The following RUFY1 variants were observed in gnomAD, a reference collection of about 807,000 sequenced individuals.
RUFY1 encodes RUN and FYVE domain containing 1, also known as RUN and FYVE domain-containing protein 1.
A neutral mutation model predicts 94.6 loss-of-function variants in RUFY1; 54 were observed. That is an observed-to-expected ratio of 0.57 (90% CI 0.46 to 0.72). The LOEUF (loss-of-function observed/expected upper bound fraction) is 0.72, where lower values mean the gene tolerates loss of function less well. Among genes scored for constraint, RUFY1 ranks in the 30% least tolerant of loss-of-function variants. RUFY1 has a pLI of 0.00. For missense variants in RUFY1, 883 were observed against 883.9 expected (o/e 1.00, Z 0.01); for synonymous variants, 396 against 347.3 (o/e 1.14, Z -1.56).
chr5:179,551,372 G>A (rs890436874), intron 1 of RUFY1, among the ~76,000 whole-genome samples: 1 of 152,278 alleles, frequency 6.6e-6, no homozygotes. Context: ...AATGAACAGA[G>A]TGCCAGCATA....
intron 16 of RUFY1, chr5:179,606,482 C>T (rs778264629): frequency 3.2e-5 from 5 of 158,692 alleles, no homozygotes; most frequent in African/African-American, 4.8e-5. Flanking sequence ...AGGAGGCAGA[C>T]ATTCGGGGGC....
In RUFY1 at chr5:179,598,758, G is replaced by A. The variant is rs745670392; in HGVS notation, c.1698G>A (p.Gln566=). 6 of 1,614,148 alleles carry A rather than the reference G, an allele frequency of 3.7e-6. No individual in the cohort carries two copies. The Admixed American group carries it at 1.0e-4, about 27-fold the overall frequency. ...GACAGGCTCTTCAGCGCGAATTACA[G>A]CACGAGAAAGACACTTCCTCTCTAC... The part of the protein sequence containing the change: ...EQRQALQREL[Q]HEKDTSSLLR... The change falls in exon 14 of 18, where the codon CAG becomes CAA. Residue 566 remains glutamine (Q), a synonymous_variant. Coordinates refer to ENST00000319449, the MANE Select transcript of RUFY1 (RefSeq NM_025158.5).
At chr5:179,566,359 C>T (rs1288247768) in intron 3 of RUFY1, among the ~76,000 whole-genome samples, 5 of 151,970 alleles carry the variant, frequency 3.3e-5, no homozygotes, top group African/African-American at 9.7e-5. Context: ...AATCCCAGCA[C>T]TTTAGGAGGC....
intron 1 of RUFY1, among the ~76,000 whole-genome samples, chr5:179,557,864 T>G: frequency 6.6e-6 from 1 of 152,118 alleles, no homozygotes; most frequent in East Asian, 1.9e-4. Flanking sequence ...TTTTGATTAC[T>G]TAATCATCAA....
chr5:179,569,304 A>T lies in RUFY1; in HGVS notation c.707A>T (p.Glu236Val), dbSNP rs1218409976. 2 of 1,613,644 alleles carry T rather than the reference A, an allele frequency of 1.2e-6. No individual in the cohort carries two copies. Among genetic ancestry groups the T allele is most frequent in the Non-Finnish European group, 1.7e-6 (2 of 1,179,962 alleles). ...VLIDNKHLLS[E>V]FYEPEALMME... The stretch of plus-strand genomic sequence containing the variant: ...CCTGTCCTGTCCATCTCTTTCAGCG[A>T]GTTCTATGAGCCTGAGGCTTTAATG... The change falls in exon 5 of 18, where the codon GAG becomes GTG. Residue 236 changes from glutamate (E) to valine (V), a missense_variant and splice_region_variant. Transcript: ENST00000319449.
intron 8 of RUFY1, chr5:179,586,443 G>T (rs541610987): frequency 1.5e-5 from 7 of 456,602 alleles, no homozygotes; most frequent in South Asian, 9.3e-5. Context: ...TTAGCAGGAG[G>T]GGGGTGCTCA....
At position 179,601,890 on chromosome 5, in the gene RUFY1, A is replaced by T. The variant is rs1187614490; in HGVS notation, c.1762-2A>T. The T allele has an allele frequency of 6.3e-7, 1 of 1,580,472 alleles. No homozygotes were observed. Among genetic ancestry groups the T allele is most frequent in the Non-Finnish European group, 8.7e-7 (1 of 1,155,364 alleles). On this transcript the variant is annotated splice_acceptor_variant, in intron 14 of 17. Transcript: ENST00000319449. LOFTEE classifies it high-confidence loss of function. ...AGCATCTGGTTGGTTTGTTCATTTT[A>T]GGAGTTGCGGGAGCTTCAGGACGAG...
chr5:179,588,571 C>A (rs1374311065), intron 8 of RUFY1, among the ~76,000 whole-genome samples: 2 of 152,128 alleles, frequency 1.3e-5, no homozygotes, highest in African/African-American at 4.8e-5. Flanking sequence ...TTCCTCCCTG[C>A]AAATTCTTTA....
At chr5:179,573,987 TG>T (rs1763423014) in intron 5 of RUFY1, among the ~76,000 whole-genome samples, 2 of 152,198 alleles carry the variant, frequency 1.3e-5, no homozygotes, top group Admixed American at 6.5e-5. Context: ...ACCTGATCAT[TG>T]TAAACCCTGG....
intron 8 of RUFY1, among the ~76,000 whole-genome samples, chr5:179,588,294 A>T (rs553931385): frequency 6.6e-6 from 1 of 152,270 alleles, no homozygotes; most frequent in Admixed American, 6.5e-5. Flanking sequence ...CTAGTGAATG[A>T]TGCCGAGAGC....
chr5:179,551,659 C>CTAAGT (rs1183535130), intron 1 of RUFY1, among the ~76,000 whole-genome samples: 1 of 148,578 alleles, frequency 6.7e-6, no homozygotes, highest in African/African-American at 2.5e-5. Flanking sequence ...CCACGCTCGG[C>CTAAGT]TAAGTTCCCC....
intron 4 of RUFY1, chr5:179,569,046 G>C: frequency 1.0e-6 from 1 of 985,318 alleles, no homozygotes; most frequent in Non-Finnish European, 1.2e-6. Flanking sequence ...GAGGAGAACT[G>C]GGGTCCAGGG....
chr5:179,567,820 C>A (rs1307060054), intron 4 of RUFY1, among the ~76,000 whole-genome samples: 1 of 152,198 alleles, frequency 6.6e-6, no homozygotes, highest in East Asian at 1.9e-4. Flanking sequence ...AGGAGAATCG[C>A]TCGAACCCGC....
intron 6 of RUFY1, among the ~76,000 whole-genome samples, chr5:179,579,657 C>CTTTTTTTCTTTTTTTTTTTTTTTTTT (rs1763945195): frequency 2.0e-5 from 1 of 50,548 alleles, no homozygotes; most frequent in Non-Finnish European, 3.8e-5. Context: ...TTTTCTTCTT[C>CTTTTTTTCTTTTTTTTTTTTTTTTTT]TTTTTTTTTT....
chr5:179,568,772 G>A (rs1160382812), intron 4 of RUFY1, among the ~76,000 whole-genome samples: 1 of 152,098 alleles, frequency 6.6e-6, no homozygotes, highest in Non-Finnish European at 1.5e-5. Context: ...CACTGGATTT[G>A]GTACATTAGC....
intron 10 of RUFY1, 58 bp downstream of exon 10, chr5:179,591,799 C>A: frequency 3.1e-6 from 3 of 970,416 alleles, no homozygotes; most frequent in South Asian, 3.3e-5. Context: ...TTAATTCTGT[C>A]AACACTTTTC....
chr5:179,551,293 C>G (rs940491513), intron 1 of RUFY1, among the ~76,000 whole-genome samples: 1 of 152,252 alleles, frequency 6.6e-6, no homozygotes, highest in Non-Finnish European at 1.5e-5. Flanking sequence ...CGCCTCCGCT[C>G]ACCTCTGCCT....
rs1765662113 is a variant in RUFY1 at position 179,596,551 on chromosome 5, G to T, written c.1512-11G>T. 3 of 1,613,726 alleles carry T rather than the reference G, an allele frequency of 1.9e-6. No individual in the cohort carries two copies. In the East Asian group the frequency reaches 6.7e-5, roughly 36 times the overall value. On this transcript the variant is annotated splice_polypyrimidine_tract_variant and intron_variant, in intron 12 of 17. Coordinates refer to ENST00000319449, the MANE Select transcript of RUFY1 (RefSeq NM_025158.5). Reference sequence around the variant, plus strand: ...TTGCTTCATTTGCACTCTTGCTGGTGTCGCATCCAGGTTGCAGCACTCGGA... The same window carrying T: ...TTGCTTCATTTGCACTCTTGCTGGTTTCGCATCCAGGTTGCAGCACTCGGA...
chr5:179,550,626 G>C lies in RUFY1; in HGVS notation c.57G>C (p.Glu19Asp). 7.2e-7 allele frequency: 1 copy of C among 1,391,026 alleles called. No homozygotes were observed. Among genetic ancestry groups the C allele is most frequent in the Non-Finnish European group, 9.3e-7 (1 of 1,080,192 alleles). The allele number at this position is 1,391,026 out of a possible 1,614,324, so 86.2% of individuals were successfully genotyped here. A position where few individuals can be genotyped will look rare whatever the true frequency, so the allele number is the denominator to read the frequency against. ...AAGRGRELEP[E>D]LEPGPGPGSA... ...GGCGGGGGCGGGAGCTGGAGCCGGA[G>C]CTGGAGCCGGGGCCGGGGCCCGGGT... The change falls in exon 1 of 18, where the codon GAG becomes GAC. Residue 19 changes from glutamate (E) to aspartate (D), a missense_variant. Transcript: ENST00000319449.
Sources: allele counts gnomAD v4.1 joint callset (sites outside exome capture counted in the v4.1 genomes callset), GRCh38; gene constraint gnomAD v4.1.1; transcripts MANE v1.5; gene names NCBI Gene and HGNC (gene_info 2026-07-23, HGNC 2026-07-21).